The following HFM1 variants were observed in gnomAD, a reference collection of about 807,000 sequenced individuals.
The protein encoded by HFM1 is probable ATP-dependent DNA helicase HFM1.
HFM1 carries 169 observed loss-of-function variants against 192.1 expected under a neutral mutation model. That is an observed-to-expected ratio of 0.88 (90% CI 0.78 to 1.00). HFM1 has a LOEUF of 1.00. Among genes scored for constraint, HFM1 ranks in the 50% least tolerant of loss-of-function variants. The pLI is 0.00. For missense variants in HFM1, 1,661 were observed against 1,668.0 expected, an observed-to-expected ratio of 1.00 and a Z score of 0.07; for synonymous variants, 525 against 537.8, an observed-to-expected ratio of 0.98 and a Z score of 0.33.
intron 6 of HFM1, among the ~76,000 whole-genome samples, chr1:91,383,590 C>T (rs796101957): frequency 1.3e-5 from 2 of 152,138 alleles, no homozygotes; most frequent in African/African-American, 2.4e-5. Context: ...GATGATCCTT[C>T]GAGTGCCCAG....
chr1:91,403,053 T>C (rs963757684), intron 1 of HFM1, among the ~76,000 whole-genome samples: 1 of 446 alleles, frequency 2.2e-3, no homozygotes, highest in Non-Finnish European at 0.015. Flanking sequence ...TATATACTCC[T>C]GTGAAAAAAC....
intron 30 of HFM1, among the ~76,000 whole-genome samples, chr1:91,302,116 C>G (rs1027422167): frequency 3.3e-5 from 5 of 150,016 alleles, no homozygotes; most frequent in Non-Finnish European, 7.4e-5. Flanking sequence ...AAAAGTGGTT[C>G]GTGAAGGATA....
chr1:91,394,160 G>C lies in HFM1; in HGVS notation c.427C>G (p.Pro143Ala). 1 of 1,608,916 alleles carries C rather than the reference G, an allele frequency of 6.2e-7. No homozygotes were observed. Among genetic ancestry groups the C allele is most frequent in the East Asian group, 2.2e-5 (1 of 44,734 alleles). The change falls in exon 4 of 39, where the codon CCT (proline) becomes GCT (alanine). Residue 143 changes from proline (P) to alanine (A), a missense_variant. Transcript: ENST00000370425. ...GTEIAPEKSV[P>A]DDTKLVNFAE... ...AAATTAACTAATTTTGTATCATCAG[G>C]AACACTCTTCTCAGGTGCTATCTCA...
At position 91,380,744 on chromosome 1, in the gene HFM1, T is replaced by A. The variant is rs72970347; in HGVS notation, c.873+168A>T. On this transcript the variant is annotated intron_variant, in intron 7 of 38. Transcript: ENST00000370425. ...ACTCAAATACAAACAAATCCACCTATGAAAATCACATGTATTCATTTACCA... is the reference window on the plus strand; with the variant it reads ...ACTCAAATACAAACAAATCCACCTAAGAAAATCACATGTATTCATTTACCA... 8.0e-3 allele frequency among the ~76,000 whole-genome samples: 1,223 copies of A among 152,146 alleles called. 21 individuals are homozygous for A. The highest frequency in any genetic ancestry group is 0.028 in the African/African-American group (1,153 of 41,506).
At chr1:91,309,994 C>T (rs575203581) in intron 30 of HFM1, among the ~76,000 whole-genome samples, 42 of 151,552 alleles carry the variant, frequency 2.8e-4, no homozygotes, top group African/African-American at 9.0e-4. Context: ...TGGAGATATA[C>T]GAGATAAGCC....
chr1:91,292,122 T>C (rs1446566216), intron 30 of HFM1, among the ~76,000 whole-genome samples: 7 of 151,662 alleles, frequency 4.6e-5, no homozygotes, highest in Non-Finnish European at 7.4e-5. Flanking sequence ...ACTGGAAGCA[T>C]TCCCTTTGAA....
Position 91,262,395 on chromosome 1 carries a change from A to G in HFM1, c.4087-3T>C. 6.3e-7 allele frequency: 1 copy of G among 1,582,948 alleles called. No individual in the cohort carries two copies. Among genetic ancestry groups the G allele is most frequent in the Non-Finnish European group, 8.6e-7 (1 of 1,164,034 alleles). On this transcript the variant is annotated splice_region_variant and splice_polypyrimidine_tract_variant and intron_variant, in intron 37 of 38. Coordinates refer to ENST00000370425, the MANE Select transcript of HFM1 (RefSeq NM_001017975.6). Reference sequence around the variant, plus strand: ...GGTTTTCTTTCTTGAAAATGGACCTACATTTGAGATAAAAAATAACAATCA... The same window carrying G: ...GGTTTTCTTTCTTGAAAATGGACCTGCATTTGAGATAAAAAATAACAATCA...
At chr1:91,364,607 C>CAT (rs202070365) in intron 13 of HFM1, among the ~76,000 whole-genome samples, 1,064 of 97,824 alleles carry the variant, frequency 0.011, 45 homozygotes, top group East Asian at 0.04. Flanking sequence ...TATACATATA[C>CAT]ATATATATAT....
intron 30 of HFM1, among the ~76,000 whole-genome samples, chr1:91,283,624 A>G (rs1405301713): frequency 6.6e-6 from 1 of 152,196 alleles, no homozygotes; most frequent in Non-Finnish European, 1.5e-5. Flanking sequence ...TCTGAGGTGC[A>G]AATATTTTCA....
intron 20 of HFM1, among the ~76,000 whole-genome samples, chr1:91,334,652 C>T (rs993001829): frequency 4.6e-5 from 7 of 151,900 alleles, no homozygotes; most frequent in Admixed American, 1.3e-4. Flanking sequence ...TGGATTCGGC[C>T]GGGCGCATTG....
At chr1:91,383,834 A>G (rs1661840922) in intron 6 of HFM1, among the ~76,000 whole-genome samples, 1 of 152,270 alleles carries the variant, frequency 6.6e-6, no homozygotes, top group African/African-American at 2.4e-5. Context: ...AAAAGAAGTA[A>G]CTATGAGAGG....
Position 91,394,117 on chromosome 1 carries a change from TCTCC to T in HFM1, c.466_469del (p.Gly156ArgfsTer35). On this transcript the variant is annotated frameshift_variant, in exon 4 of 39. Coordinates refer to ENST00000370425, the MANE Select transcript of HFM1 (RefSeq NM_001017975.6). LOFTEE classifies it high-confidence loss of function. ...CCTTTTCCGGAATACTGATGTGCTCTCTCCTTTATCTTCTGCAAAATTAACTAAT... is the reference window on the plus strand; with the variant it reads ...CCTTTTCCGGAATACTGATGTGCTCTTTTATCTTCTGCAAAATTAACTAAT... 1 of 1,588,522 alleles carries T rather than the reference TCTCC, an allele frequency of 6.3e-7. No homozygotes were observed. The highest frequency in any genetic ancestry group is 2.2e-5 in the East Asian group (1 of 44,524).
chr1:91,404,184 C>G (rs1016200003), intron 1 of HFM1, among the ~76,000 whole-genome samples: 1 of 152,226 alleles, frequency 6.6e-6, no homozygotes, highest in African/African-American at 2.4e-5. Context: ...CCAGATCTCA[C>G]CCCCTCTCCC....
At chr1:91,262,706 A>C in intron 36 of HFM1, 114 bp from the exon 37 acceptor site, 1 of 632,696 alleles carries the variant, frequency 1.6e-6, no homozygotes, top group Non-Finnish European at 2.7e-6. Context: ...TTATCACAAA[A>C]ATGTAATGCA....
chr1:91,296,098 T>C (rs1024275623), intron 30 of HFM1, among the ~76,000 whole-genome samples: 3 of 152,118 alleles, frequency 2.0e-5, no homozygotes, highest in Non-Finnish European at 4.4e-5. Flanking sequence ...TTTTGTATTT[T>C]TTAGTAGAGA....
At chr1:91,363,288 C>A (rs1385624794) in intron 13 of HFM1, among the ~76,000 whole-genome samples, 2 of 151,868 alleles carry the variant, frequency 1.3e-5, no homozygotes, top group Non-Finnish European at 2.9e-5. Flanking sequence ...ATCTATCTGA[C>A]AAAGGTCTCA....
chr1:91,381,390 C>A (rs1016714394), intron 6 of HFM1, among the ~76,000 whole-genome samples: 4 of 152,154 alleles, frequency 2.6e-5, no homozygotes, highest in African/African-American at 9.7e-5. Flanking sequence ...TCAACTATTT[C>A]ATTAAGCATT....
intron 2 of HFM1, among the ~76,000 whole-genome samples, chr1:91,397,536 A>T (rs774680599): frequency 1.3e-5 from 2 of 152,190 alleles, no homozygotes; most frequent in African/African-American, 2.4e-5. Flanking sequence ...TCAGTCTTTT[A>T]CTTTTCTGTC....
intron 13 of HFM1, among the ~76,000 whole-genome samples, chr1:91,372,735 A>T (rs1045365781): frequency 6.6e-6 from 1 of 151,016 alleles, no homozygotes; most frequent in African/African-American, 2.4e-5. Flanking sequence ...AAAGTATAAT[A>T]AAAAAAAGAA....
Sources: gnomAD v4.1 joint callset for allele counts (sites outside exome capture counted in the v4.1 genomes callset) on GRCh38, gnomAD v4.1.1 for gene constraint, MANE v1.5 for transcripts, NCBI Gene and HGNC (gene_info 2026-07-23, HGNC 2026-07-21) for gene names.